The following STARD5 variants were observed in gnomAD, a reference collection of about 807,000 sequenced individuals.
STARD5 encodes stAR-related lipid transfer protein 5.
Under a neutral mutation model 24.6 loss-of-function variants are expected in STARD5, and 26 were observed. That is an observed-to-expected ratio of 1.06 (90% CI 0.77 to 1.47). The LOEUF (loss-of-function observed/expected upper bound fraction) is 1.47, where lower values mean the gene tolerates loss of function less well. STARD5 is among the 40% of genes most tolerant of loss of function. The pLI is 0.00. For synonymous variants in STARD5, 101 were observed against 99.7 expected (o/e 1.01, Z -0.07); for missense variants, 254 against 270.8 (o/e 0.94, Z 0.44).
In STARD5 at chr15:81,319,094, G is replaced by GA. The variant is rs1167364151; in HGVS notation, c.400+244dup. 9.2e-3 allele frequency among the ~76,000 whole-genome samples: 1,301 copies of GA among 140,874 alleles called. 29 individuals carry two copies. Among genetic ancestry groups the GA allele is most frequent in the Admixed American group, 0.053 (755 of 14,328 alleles). The allele number at this position is 140,874 out of a possible 152,430, so 92.4% of individuals were successfully genotyped here. A position where few individuals can be genotyped will look rare whatever the true frequency, so the allele number is the denominator to read the frequency against. On this transcript the variant is annotated intron_variant, in intron 4 of 5. Transcript: ENST00000302824. ...CAGCACACACCATGAGCTTCCGCAG[G>GA]AAAAAAAAAAAAGGGGCACTGGCAA... is the stretch of plus-strand genomic sequence containing the variant.
intron 5 of STARD5, 189 bp from the exon 6 acceptor site, chr15:81,313,592 T>C (rs1302408550): frequency 7.0e-6 from 3 of 431,458 alleles, no homozygotes; most frequent in Non-Finnish European, 1.2e-5. Flanking sequence ...AAACCCATCC[T>C]GTCGGGGATG....
At chr15:81,318,288 G>C (rs1181169973) in intron 5 of STARD5, 121 bp downstream of exon 5, 2 of 773,640 alleles carry the variant, frequency 2.6e-6, no homozygotes, top group African/African-American at 3.5e-5. Flanking sequence ...ACAATCTAAA[G>C]AGCTATAAGG....
At chr15:81,314,731 C>G (rs903328400) in intron 5 of STARD5, among the ~76,000 whole-genome samples, 3 of 151,812 alleles carry the variant, frequency 2.0e-5, no homozygotes, top group Non-Finnish European at 4.4e-5. Context: ...ACTAAACATA[C>G]AAAAGTTAGC....
At position 81,311,638 on chromosome 15, in the gene STARD5, A is replaced by G. The variant is rs1900860162; in HGVS notation, c.*1618T>C. On this transcript the variant is annotated 3_prime_UTR_variant, in exon 6 of 6. Transcript: ENST00000302824. ...CATCTTGATAAGACCACCACCTCAG[A>G]GTATGGAGCTCAGAGAGGGCAGGCA... 1 of 152,212 alleles carries G rather than the reference A, an allele frequency of 6.6e-6. No individual in the cohort carries two copies. The highest frequency in any genetic ancestry group is 6.5e-5 in the Admixed American group (1 of 15,276). The allele number at this position is 152,212 out of a possible 1,614,324, so 9.4% of individuals were successfully genotyped here.
intron 5 of STARD5, among the ~76,000 whole-genome samples, chr15:81,315,971 A>G (rs972962058): frequency 6.6e-6 from 1 of 152,148 alleles, no homozygotes; most frequent in Non-Finnish European, 1.5e-5. Flanking sequence ...TATTCAGAGG[A>G]AAGTCCCCAA....
At chr15:81,315,057 G>A (rs1901052237) in intron 5 of STARD5, among the ~76,000 whole-genome samples, 1 of 152,060 alleles carries the variant, frequency 6.6e-6, no homozygotes, top group Non-Finnish European at 1.5e-5. Context: ...CCCAAAGAGG[G>A]TGAACTCCAG....
intron 3 of STARD5, among the ~76,000 whole-genome samples, chr15:81,322,078 G>A (rs1312104812): frequency 6.6e-6 from 1 of 152,262 alleles, no homozygotes; most frequent in Admixed American, 6.5e-5. Context: ...ATGCAGGTAC[G>A]TGGAGCTGCT....
chr15:81,323,027 A>G, intron 1 of STARD5, 79 bp from the exon 2 acceptor site: 1 of 1,481,252 alleles, frequency 6.8e-7, no homozygotes, highest in Non-Finnish European at 9.4e-7. Context: ...GTTCTACAGA[A>G]GAGGGGTAAG....
intron 5 of STARD5, among the ~76,000 whole-genome samples, chr15:81,315,274 G>A (rs948871630): frequency 1.3e-5 from 2 of 152,140 alleles, no homozygotes; most frequent in Non-Finnish European, 2.9e-5. Flanking sequence ...ATGAGACTCC[G>A]TGATCATGTT....
At position 81,310,220 on chromosome 15, in the gene STARD5, C is replaced by G. The variant is rs2141658300; in HGVS notation, c.*3036G>C. On this transcript the variant is annotated 3_prime_UTR_variant, in exon 6 of 6. Coordinates refer to ENST00000302824, the MANE Select transcript of STARD5 (RefSeq NM_181900.3). ...AGATGAAACACAAACAATAGTAATT[C>G]TCAGGCCATCATCAGTGGAGCCATG... The G allele has an allele frequency of 6.6e-6, 1 of 152,358 alleles. No individual in the cohort carries two copies. The highest frequency in any genetic ancestry group is 2.1e-4 in the South Asian group (1 of 4,832). 9.4% of individuals were successfully genotyped at this position (152,358 alleles called of 1,614,324 possible).
intron 1 of STARD5, 105 bp from the exon 2 acceptor site, chr15:81,323,053 C>T (rs769099282): frequency 5.5e-5 from 70 of 1,269,260 alleles, no homozygotes; most frequent in Non-Finnish European, 7.3e-5. Context: ...TCAAGAGATA[C>T]GACTCTCCAA....
intron 3 of STARD5, among the ~76,000 whole-genome samples, chr15:81,321,071 T>C (rs933144795): frequency 1.3e-5 from 2 of 152,238 alleles, no homozygotes; most frequent in Non-Finnish European, 2.9e-5. Context: ...CACTTGGCAA[T>C]TCTCCACTTT....
chr15:81,322,412 G>A lies in STARD5; in HGVS notation c.278C>T (p.Thr93Ile). ...AACATGCTTGGAAAGACTTACGTCAGTGATGCTTTGGATAATTTCAAAACC... is the reference window on the plus strand; with the variant it reads ...AACATGCTTGGAAAGACTTACGTCAATGATGCTTTGGATAATTTCAAAACC... The part of the protein sequence containing the change: ...VTGFEIIQSI[T>I]DTLCVSRTST... Residue 93 changes from threonine (T) to isoleucine (I), a missense_variant, in exon 3 of 6, where the codon ACT becomes ATT. Transcript: ENST00000302824. The A allele has an allele frequency of 6.2e-7, 1 of 1,614,220 alleles. No individual in the cohort carries two copies. Among genetic ancestry groups the A allele is most frequent in the South Asian group, 1.1e-5 (1 of 91,082 alleles).
chr15:81,319,636 G>A (rs1055446087), intron 3 of STARD5, among the ~76,000 whole-genome samples, 180 bp from the exon 4 acceptor site: 3 of 152,196 alleles, frequency 2.0e-5, no homozygotes, highest in Non-Finnish European at 4.4e-5. Context: ...CACCCAGTTT[G>A]TAAGACGAGG....
intron 5 of STARD5, among the ~76,000 whole-genome samples, chr15:81,317,133 G>A (rs1395778081): frequency 6.7e-6 from 1 of 149,462 alleles, no homozygotes; most frequent in African/African-American, 2.5e-5. Context: ...GGAGGCAGAG[G>A]TTGCAGTGAG....
chr15:81,313,557 C>G, intron 5 of STARD5, 154 bp from the exon 6 acceptor site: 1 of 581,136 alleles, frequency 1.7e-6, no homozygotes, highest in African/African-American at 1.9e-5. Context: ...GGAGTCCTCT[C>G]TGGACCTGCT....
rs1028273335 is a variant in STARD5, at chr15:81,310,203, CACAA to C, written c.*3049_*3052del. 11 of 152,242 alleles carry C rather than the reference CACAA, an allele frequency of 7.2e-5. No homozygotes were observed. Among genetic ancestry groups the C allele is most frequent in the Admixed American group, 5.9e-4 (9 of 15,286 alleles). The allele number at this position is 152,242 out of a possible 1,614,324, so 9.4% of individuals were successfully genotyped here. On this transcript the variant is annotated 3_prime_UTR_variant, in exon 6 of 6. Coordinates refer to ENST00000302824, the MANE Select transcript of STARD5 (RefSeq NM_181900.3). ...AGACCTGGCAAGGACACAGATGAAA[CACAA>C]ACAATAGTAATTCTCAGGCCATCAT...
chr15:81,324,078 G>A lies in STARD5; in HGVS notation c.22C>T (p.Gln8Ter), dbSNP rs1193320308. The change falls in exon 1 of 6, where the codon CAG becomes TAG. Residue 8 changes from glutamine (Q) to a stop codon, truncating the protein, a stop_gained. Coordinates refer to ENST00000302824, the MANE Select transcript of STARD5 (RefSeq NM_181900.3). LOFTEE classifies it high-confidence loss of function. Reference sequence around the variant, plus strand: ...TTCTCGGCCACAGCCTCGCTCATCTGGGCTGCCAGCGCCGGGTCCATTGCG... The same window carrying A: ...TTCTCGGCCACAGCCTCGCTCATCTAGGCTGCCAGCGCCGGGTCCATTGCG... MDPALAA[Q>*]MSEAVAEKML... 1.3e-5 allele frequency: 20 copies of A among 1,527,162 alleles called. No individual in the cohort carries two copies. The East Asian group carries it at 4.2e-4, about 32-fold the overall frequency. The allele number at this position is 1,527,162 out of a possible 1,614,324, so 94.6% of individuals were successfully genotyped here.
chr15:81,323,316 T>A (rs1279839355), intron 1 of STARD5: 1 of 335,540 alleles, frequency 3.0e-6, no homozygotes, highest in Admixed American at 4.6e-5. Flanking sequence ...GGGTTCATGC[T>A]GTAATGAAAA....
Sources: gnomAD v4.1 joint callset for allele counts (sites outside exome capture counted in the v4.1 genomes callset) on GRCh38, gnomAD v4.1.1 for gene constraint, MANE v1.5 for transcripts, NCBI Gene and HGNC (gene_info 2026-07-23, HGNC 2026-07-21) for gene names.